CNTN5: variants seen among roughly 807,000 people sequenced by gnomAD.
The protein encoded by CNTN5 is contactin-5.
A neutral mutation model predicts 129.1 loss-of-function variants in CNTN5; 77 were observed. That is an observed-to-expected ratio of 0.60 (90% CI 0.50 to 0.72). CNTN5 has a LOEUF of 0.72. Among genes scored for constraint, CNTN5 ranks in the 30% least tolerant of loss-of-function variants. The pLI is 0.00. For synonymous variants in CNTN5, 509 were observed against 465.6 expected (o/e 1.09, Z -1.20); for missense variants, 1,478 against 1,328.8 (o/e 1.11, Z -1.75).
intron 3 of CNTN5, among the ~76,000 whole-genome samples, chr11:99,693,728 G>A (rs1304678809): frequency 1.3e-5 from 2 of 152,106 alleles, no homozygotes; most frequent in East Asian, 3.9e-4. Flanking sequence ...TTTGACAGAC[G>A]AGATTGTTTC....
At chr11:99,805,536 C>T (rs1285973661) in intron 3 of CNTN5, among the ~76,000 whole-genome samples, 2 of 152,166 alleles carry the variant, frequency 1.3e-5, no homozygotes, top group Non-Finnish European at 2.9e-5. Flanking sequence ...GTAGACACAG[C>T]CTTGCAATCA....
intron 9 of CNTN5, among the ~76,000 whole-genome samples, chr11:100,052,897 A>C (rs1943028717): frequency 6.6e-6 from 1 of 151,830 alleles, no homozygotes; most frequent in Non-Finnish European, 1.5e-5. Flanking sequence ...AAGAAAGCTC[A>C]GAAATTTACC....
chr11:99,897,925 G>A (rs370010821), intron 6 of CNTN5, among the ~76,000 whole-genome samples: 2 of 152,082 alleles, frequency 1.3e-5, no homozygotes, highest in African/African-American at 4.8e-5. Flanking sequence ...ACATCCATAG[G>A]CTCAAAGTAA....
intron 3 of CNTN5, among the ~76,000 whole-genome samples, chr11:99,759,963 T>G: frequency 6.6e-6 from 1 of 151,636 alleles, no homozygotes; most frequent in Non-Finnish European, 1.5e-5. Flanking sequence ...GGGGGTGGAG[T>G]GAAATGATAC....
intron 9 of CNTN5, among the ~76,000 whole-genome samples, chr11:100,018,180 A>G (rs1264123620): frequency 6.6e-6 from 1 of 151,974 alleles, no homozygotes; most frequent in Non-Finnish European, 1.5e-5. Context: ...AAAATGTTTA[A>G]ACTGTAGAAT....
chr11:99,419,509 G>A (rs1304036612), intron 2 of CNTN5, among the ~76,000 whole-genome samples: 1 of 152,136 alleles, frequency 6.6e-6, no homozygotes, highest in Non-Finnish European at 1.5e-5. Flanking sequence ...GTGCCAAGAA[G>A]GGCTAATTGG....
At chr11:99,520,070 T>G (rs899321848) in intron 2 of CNTN5, among the ~76,000 whole-genome samples, 1 of 152,150 alleles carries the variant, frequency 6.6e-6, no homozygotes, top group African/African-American at 2.4e-5. Context: ...GCATTTATTT[T>G]ACGCTCACCC....
intron 21 of CNTN5, among the ~76,000 whole-genome samples, chr11:100,330,130 T>A (rs762343879): frequency 5.7e-4 from 86 of 152,022 alleles, no homozygotes; most frequent in Middle Eastern, 3.4e-3. Flanking sequence ...AGCACAAATT[T>A]AAAAAAATCA....
chr11:99,417,849 C>G (rs1240594729), intron 2 of CNTN5, among the ~76,000 whole-genome samples: 5 of 152,068 alleles, frequency 3.3e-5, no homozygotes, highest in Non-Finnish European at 5.9e-5. Context: ...TTATTGTCCC[C>G]ATTTTGGTGA....
At chr11:99,312,017 G>T (rs370461218) in intron 1 of CNTN5, among the ~76,000 whole-genome samples, 1 of 152,114 alleles carries the variant, frequency 6.6e-6, no homozygotes, top group Non-Finnish European at 1.5e-5. Flanking sequence ...GCTACTGCTG[G>T]TTAGCCAGGA....
chr11:99,844,713 A>G (rs571550527), intron 4 of CNTN5, 139 bp from the exon 5 acceptor site: 2 of 718,154 alleles, frequency 2.8e-6, no homozygotes, highest in Non-Finnish European at 4.6e-6. Flanking sequence ...TTTTCTAGCT[A>G]TTCCTTCTTT....
intron 3 of CNTN5, among the ~76,000 whole-genome samples, chr11:99,750,190 T>C (rs981744751): frequency 1.4e-4 from 22 of 152,198 alleles, no homozygotes; most frequent in Non-Finnish European, 2.4e-4. Flanking sequence ...TATGTGTAAA[T>C]CTACATTAAA....
chr11:99,844,613 G>A, intron 4 of CNTN5: 1 of 482,074 alleles, frequency 2.1e-6, no homozygotes, highest in Admixed American at 3.6e-5. Context: ...AAATGTCTGA[G>A]GTTTGTTTTT....
chr11:100,056,050 A>AGG (rs1352844272), intron 9 of CNTN5, among the ~76,000 whole-genome samples: 2 of 151,564 alleles, frequency 1.3e-5, no homozygotes, highest in African/African-American at 4.8e-5. Flanking sequence ...CTCTTCAACT[A>AGG]TGTCTAATTT....
At chr11:99,703,227 GTTT>G (rs34131042) in intron 3 of CNTN5, among the ~76,000 whole-genome samples, 164 of 121,724 alleles carry the variant, frequency 1.3e-3, no homozygotes, top group African/African-American at 4.8e-3. Context: ...GGTATTTGGG[GTTT>G]TTTTTTTTTT....
chr11:100,048,909 AAAC>A, intron 9 of CNTN5, among the ~76,000 whole-genome samples: 1 of 145,118 alleles, frequency 6.9e-6, no homozygotes, highest in South Asian at 2.2e-4. Flanking sequence ...AATTGATGAA[AAAC>A]AAAAATAAAA....
At chr11:99,491,707 A>G (rs1162511758) in intron 2 of CNTN5, among the ~76,000 whole-genome samples, 1 of 152,168 alleles carries the variant, frequency 6.6e-6, no homozygotes, top group Non-Finnish European at 1.5e-5. Context: ...CAGTTATCTA[A>G]CTATTAGGCT....
chr11:100,222,355 C>G (rs774503872), intron 15 of CNTN5, among the ~76,000 whole-genome samples: 8 of 152,138 alleles, frequency 5.3e-5, no homozygotes, highest in Non-Finnish European at 1.0e-4. Flanking sequence ...ATATCTCGCT[C>G]TCCTGAATTC....
rs1292695993 is a variant in CNTN5 at position 99,846,963 on chromosome 11, T to C, written c.577+1701T>C. The stretch of plus-strand genomic sequence containing the variant: ...TTATGTGGTGTATCACAGAACCTAA[T>C]ACTTTACATTATGCACAATTAATCA... On this transcript the variant is annotated intron_variant, in intron 6 of 24. Transcript: ENST00000524871. 3.9e-5 allele frequency among the ~76,000 whole-genome samples: 6 copies of C among 152,334 alleles called. No homozygotes were observed. The East Asian group carries it at 7.7e-4, about 20-fold the overall frequency.
Sources: gnomAD v4.1 joint callset for allele counts (sites outside exome capture counted in the v4.1 genomes callset) on GRCh38, gnomAD v4.1.1 for gene constraint, MANE v1.5 for transcripts, NCBI Gene and HGNC (gene_info 2026-07-23, HGNC 2026-07-21) for gene names.